Variants in SGMS1 observed in about 807,000 individuals in gnomAD.
SGMS1 encodes phosphatidylcholine:ceramide cholinephosphotransferase 1.
SGMS1 carries 13 observed loss-of-function variants against 46.2 expected under a neutral mutation model. The observed-to-expected ratio is 0.28, with a 90% CI of 0.18 to 0.45. The LOEUF (loss-of-function observed/expected upper bound fraction) is 0.45, where lower values mean the gene tolerates loss of function less well. Ranked by LOEUF, SGMS1 falls within the 20% of genes least tolerant of loss-of-function variation. The probability of loss-of-function intolerance (pLI) is 1.00; values close to 1 mark genes in which losing one functional copy is unlikely to be tolerated. For synonymous variants in SGMS1, 203 were observed against 187.8 expected (o/e 1.08, Z -0.66); for missense variants, 324 against 519.9 (o/e 0.62, Z 3.66).
At chr10:50,322,838 C>CAAAAAAAAAA (rs58049533) in intron 8 of SGMS1, among the ~76,000 whole-genome samples, 1 of 51,314 alleles carries the variant, frequency 1.9e-5, no homozygotes, top group African/African-American at 6.5e-5. Context: ...GACTCCGTCT[C>CAAAAAAAAAA]AAAAAAAAAA....
At chr10:50,448,497 C>G (rs1395730028) in intron 5 of SGMS1, among the ~76,000 whole-genome samples, 1 of 152,024 alleles carries the variant, frequency 6.6e-6, no homozygotes, top group Non-Finnish European at 1.5e-5. Flanking sequence ...GTAATCCCAG[C>G]ACTTTGGGAG....
chr10:50,516,940 A>G (rs1292416744), intron 3 of SGMS1, among the ~76,000 whole-genome samples: 1 of 152,180 alleles, frequency 6.6e-6, no homozygotes, highest in Non-Finnish European at 1.5e-5. Flanking sequence ...AGGATTGGGC[A>G]AAAAAGAAAG....
chr10:50,468,358 C>T (rs550974143), intron 3 of SGMS1, among the ~76,000 whole-genome samples: 17 of 152,128 alleles, frequency 1.1e-4, no homozygotes, highest in Non-Finnish European at 2.1e-4. Flanking sequence ...GCTGTTTTGT[C>T]CCTGCCCATA....
At chr10:50,372,307 T>C (rs1324766856) in intron 6 of SGMS1, among the ~76,000 whole-genome samples, 1 of 152,222 alleles carries the variant, frequency 6.6e-6, no homozygotes, top group Non-Finnish European at 1.5e-5. Context: ...CCTTAAAACT[T>C]ACTTTTCCCC....
intron 3 of SGMS1, among the ~76,000 whole-genome samples, chr10:50,469,689 T>C (rs547146621): frequency 6.6e-6 from 1 of 152,174 alleles, no homozygotes; most frequent in South Asian, 2.1e-4. Context: ...GGGGGGAGTG[T>C]GGTACAGAAT....
chr10:50,614,230 T>C (rs1838776501), intron 1 of SGMS1, among the ~76,000 whole-genome samples: 1 of 152,134 alleles, frequency 6.6e-6, no homozygotes, highest in Admixed American at 6.5e-5. Context: ...TGACTTATAT[T>C]TCCAAGTTTT....
At chr10:50,387,842 A>T (rs1341724554) in intron 6 of SGMS1, among the ~76,000 whole-genome samples, 2 of 152,234 alleles carry the variant, frequency 1.3e-5, no homozygotes, top group East Asian at 3.8e-4. Flanking sequence ...AAAGTGATGT[A>T]CAGAAAGTGG....
intron 2 of SGMS1, among the ~76,000 whole-genome samples, chr10:50,525,270 A>T (rs1349018108): frequency 6.6e-6 from 1 of 152,184 alleles, no homozygotes; most frequent in African/African-American, 2.4e-5. Context: ...AATAGGAAAA[A>T]TTCTGTTGTA....
At chr10:50,411,086 A>C (rs1849091774) in intron 6 of SGMS1, among the ~76,000 whole-genome samples, 1 of 152,218 alleles carries the variant, frequency 6.6e-6, no homozygotes, top group Non-Finnish European at 1.5e-5. Flanking sequence ...GAGGGCCCTC[A>C]TGTATGGCAT....
intron 8 of SGMS1, among the ~76,000 whole-genome samples, chr10:50,313,472 G>A (rs1017410664): frequency 6.6e-5 from 10 of 152,128 alleles, no homozygotes; most frequent in Non-Finnish European, 1.3e-4. Context: ...GTTGGGGTCA[G>A]GACCAGGAGA....
In SGMS1 at chr10:50,535,370, AT is replaced by A. The variant is rs921082565; in HGVS notation, c.-588-15450del. ...GCAAGTATTTCCTTAAAGCAAGCTTATTTTTTTTTTCTTTGAGATGGAGTCT... is the reference window on the plus strand; with the variant it reads ...GCAAGTATTTCCTTAAAGCAAGCTTATTTTTTTTTCTTTGAGATGGAGTCT... On this transcript the variant is annotated intron_variant, in intron 2 of 10. Transcript: ENST00000361781. Among the ~76,000 whole-genome samples, 46 of 148,846 alleles carry A rather than the reference AT, an allele frequency of 3.1e-4. 1 individual carries two copies. The East Asian group carries it at 6.2e-3, about 20-fold the overall frequency.
At position 50,343,848 on chromosome 10, in the gene SGMS1, T is replaced by C. The variant is rs1589395139; in HGVS notation, c.267A>G (p.Val89=). The C allele has an allele frequency of 1.2e-6, 2 of 1,614,182 alleles. No homozygotes were observed. Among genetic ancestry groups the C allele is most frequent in the East Asian group, 2.2e-5 (1 of 44,870 alleles). ...AGCTGCCGTCGGGGGTGGGGATGTCTACGCCAATGTTGAGGTGCCCATTGG... is the reference window on the plus strand; with the variant it reads ...AGCTGCCGTCGGGGGTGGGGATGTCCACGCCAATGTTGAGGTGCCCATTGG... ...GHANGHLNIG[V]DIPTPDGSFS... is the part of the protein sequence containing the mutation. Residue 89 remains valine (V), a synonymous_variant, in exon 7 of 11, where the codon GTA becomes GTG. Transcript: ENST00000361781.
intron 6 of SGMS1, among the ~76,000 whole-genome samples, chr10:50,411,969 A>G (rs765562951): frequency 6.6e-6 from 1 of 152,182 alleles, no homozygotes; most frequent in Non-Finnish European, 1.5e-5. Flanking sequence ...TATGTTAGTA[A>G]TTTCTGAGAA....
intron 3 of SGMS1, among the ~76,000 whole-genome samples, chr10:50,479,696 A>G (rs953429100): frequency 3.9e-5 from 6 of 152,146 alleles, no homozygotes; most frequent in African/African-American, 1.4e-4. Flanking sequence ...GGTCAAAAGC[A>G]CTTACATTTT....
intron 6 of SGMS1, among the ~76,000 whole-genome samples, chr10:50,354,205 A>G (rs932198599): frequency 6.6e-6 from 1 of 151,926 alleles, no homozygotes; most frequent in Non-Finnish European, 1.5e-5. Flanking sequence ...ACAAGGCTAC[A>G]GTAACCAAAA....
At chr10:50,433,759 C>T (rs966311094) in intron 5 of SGMS1, among the ~76,000 whole-genome samples, 2 of 152,158 alleles carry the variant, frequency 1.3e-5, no homozygotes, top group Admixed American at 6.5e-5. Context: ...AGCAGTATTT[C>T]CACTATGAAG....
chr10:50,540,603 C>T (rs1339449720), intron 2 of SGMS1, among the ~76,000 whole-genome samples: 1 of 151,900 alleles, frequency 6.6e-6, no homozygotes, highest in Non-Finnish European at 1.5e-5. Flanking sequence ...TAATTAAAGT[C>T]AACAATTTGA....
intron 3 of SGMS1, among the ~76,000 whole-genome samples, chr10:50,518,064 T>C (rs1005899170): frequency 6.6e-6 from 1 of 152,202 alleles, no homozygotes; most frequent in Non-Finnish European, 1.5e-5. Context: ...ATGATAAGCA[T>C]GTACAGTTAA....
At chr10:50,396,359 G>A (rs1848848024) in intron 6 of SGMS1, among the ~76,000 whole-genome samples, 1 of 152,090 alleles carries the variant, frequency 6.6e-6, no homozygotes, top group Non-Finnish European at 1.5e-5. Context: ...ACACAGTAAG[G>A]TACATTTCTC....
Sources: gnomAD v4.1 joint callset for allele counts (sites outside exome capture counted in the v4.1 genomes callset) on GRCh38, gnomAD v4.1.1 for gene constraint, MANE v1.5 for transcripts, NCBI Gene and HGNC (gene_info 2026-07-23, HGNC 2026-07-21) for gene names.